Variants in SLC26A2 observed in about 807,000 individuals in gnomAD.
The protein encoded by SLC26A2 is solute carrier family 26 member 2.
SLC26A2 carries 36 observed loss-of-function variants against 41.1 expected under a neutral mutation model. The observed-to-expected ratio is 0.88, with a 90% CI of 0.67 to 1.16. The LOEUF (loss-of-function observed/expected upper bound fraction) is 1.16, where lower values mean the gene tolerates loss of function less well. Ranked by LOEUF, SLC26A2 falls within the 50% of genes most tolerant of loss-of-function variation. The probability of loss-of-function intolerance (pLI) is 0.00; values close to 1 mark genes in which losing one functional copy is unlikely to be tolerated. For synonymous variants in SLC26A2, 291 were observed against 311.6 expected (o/e 0.93, Z 0.70); for missense variants, 796 against 869.6 (o/e 0.92, Z 1.07).
chr5:149,979,991 G>GAAA (rs11450678), intron 2 of SLC26A2, among the ~76,000 whole-genome samples: 1 of 147,250 alleles, frequency 6.8e-6, no homozygotes, highest in Non-Finnish European at 1.5e-5. Flanking sequence ...TGGGAAGAAT[G>GAAA]AAAAAAAAAA....
chr5:149,966,093 T>C (rs559087918), intron 1 of SLC26A2, among the ~76,000 whole-genome samples: 2 of 152,212 alleles, frequency 1.3e-5, no homozygotes, highest in East Asian at 3.9e-4. Flanking sequence ...TTAGTAGAGA[T>C]AGAATTTCAC....
chr5:149,968,083 T>TG (rs1754837161), intron 1 of SLC26A2, among the ~76,000 whole-genome samples: 1 of 152,096 alleles, frequency 6.6e-6, no homozygotes, highest in East Asian at 1.9e-4. Flanking sequence ...ATGTTGTAGA[T>TG]GAAGAGTATC....
Position 149,981,473 on chromosome 5 carries a change from C to G in SLC26A2, c.1880C>G (p.Thr627Ser), listed in dbSNP as rs1224491689. The G allele has an allele frequency of 1.9e-6, 3 of 1,614,026 alleles. No individual in the cohort carries two copies. The highest frequency in any genetic ancestry group is 2.5e-6 in the Non-Finnish European group (3 of 1,179,996). The change falls in exon 3 of 3, where the codon ACT becomes AGT. Residue 627 changes from threonine (T) to serine (S), a missense_variant. Physicochemically the swap from Thr to Ser is moderately conservative, Grantham distance 58 (BLOSUM62 1). Coordinates refer to ENST00000286298, the MANE Select transcript of SLC26A2 (RefSeq NM_000112.4). ...AGAAAGATCAAAGAAAAAGTAGTGA[C>G]TCTTGGTGGAATCCAGGATGAAATG... ...AKRKIKEKVV[T>S]LGGIQDEMSV...
intron 1 of SLC26A2, among the ~76,000 whole-genome samples, chr5:149,969,575 C>A (rs1754865885): frequency 6.6e-6 from 1 of 152,224 alleles, no homozygotes; most frequent in Non-Finnish European, 1.5e-5. Flanking sequence ...CTGTGTATGT[C>A]CTTTAAGCAC....
Position 149,980,605 on chromosome 5 carries a change from G to C in SLC26A2, c.1012G>C (p.Val338Leu). Reference sequence around the variant, plus strand: ...TAAGGCACCGATTCCTATTGAACTTGTTGTTGTTGTAGCAGCCACATTAGC... The same window carrying C: ...TAAGGCACCGATTCCTATTGAACTTCTTGTTGTTGTAGCAGCCACATTAGC... ...KLKAPIPIEL[V>L]VVVAATLASH... The change falls in exon 3 of 3, where the codon GTT becomes CTT. Residue 338 changes from valine to leucine, a missense_variant. Val to Leu is a conservative substitution (Grantham distance 32). Transcript: ENST00000286298. 4 of 1,613,412 alleles carry C rather than the reference G, an allele frequency of 2.5e-6. No individual in the cohort carries two copies. Among genetic ancestry groups the C allele is most frequent in the Non-Finnish European group, 3.4e-6 (4 of 1,179,498 alleles).
At chr5:149,970,892 GGGTCTA>G (rs1247937890) in intron 1 of SLC26A2, among the ~76,000 whole-genome samples, 1 of 152,184 alleles carries the variant, frequency 6.6e-6, no homozygotes, top group Non-Finnish European at 1.5e-5. Context: ...CCTAAGTTTG[GGGTCTA>G]GGTTCTGATG....
intron 1 of SLC26A2, among the ~76,000 whole-genome samples, chr5:149,973,045 A>G (rs1017203683): frequency 1.3e-5 from 2 of 152,162 alleles, no homozygotes; most frequent in Non-Finnish European, 2.9e-5. Context: ...TTTGCTGGGC[A>G]TGGTGGCTCA....
intron 1 of SLC26A2, among the ~76,000 whole-genome samples, chr5:149,972,705 A>G (rs1754924716): frequency 6.6e-6 from 1 of 152,180 alleles, no homozygotes; most frequent in Non-Finnish European, 1.5e-5. Flanking sequence ...AGTAGACAGC[A>G]TATACTTGGG....
In SLC26A2 at chr5:149,981,368, A is replaced by G; in HGVS notation, c.1775A>G (p.Lys592Arg). ...RFVAPLYYIN[K>R]ECFKSALYKQ... ...GTAGCCCCTCTCTACTACATAAACA[A>G]AGAATGCTTTAAATCTGCTTTATAC... Residue 592 changes from lysine (K) to arginine (R), a missense_variant, in exon 3 of 3, where the codon AAA becomes AGA. Physicochemically the swap from Lys to Arg is conservative, Grantham distance 26 (BLOSUM62 2). Coordinates refer to ENST00000286298, the MANE Select transcript of SLC26A2 (RefSeq NM_000112.4). 2 of 1,614,146 alleles carry G rather than the reference A, an allele frequency of 1.2e-6. No individual in the cohort carries two copies. Among genetic ancestry groups the G allele is most frequent in the East Asian group, 2.2e-5 (1 of 44,890 alleles).
In SLC26A2 at chr5:149,977,540, C is replaced by T. The variant is rs529110629; in HGVS notation, c.-25-88C>T. The T allele has an allele frequency of 1.2e-5, 9 of 774,382 alleles. No individual in the cohort carries two copies. The African/African-American group carries it at 1.4e-4, about 12-fold the overall frequency. 48.0% of individuals were successfully genotyped at this position (774,382 alleles called of 1,614,324 possible). A position where few individuals can be genotyped will look rare whatever the true frequency, so the allele number is the denominator to read the frequency against. On this transcript the variant is annotated intron_variant, in intron 1 of 2. Coordinates refer to ENST00000286298, the MANE Select transcript of SLC26A2 (RefSeq NM_000112.4). ...TATTCCAAAACTGAATTCCTTTTAA[C>T]TCTCATGAAATGACAAATAGAATTG...
At position 149,981,712 on chromosome 5, in the gene SLC26A2, C is replaced by T. The variant is rs1317713075; in HGVS notation, c.2119C>T (p.Leu707Phe). Residue 707 changes from leucine to phenylalanine, a missense_variant, in exon 3 of 3, where the codon CTT becomes TTT. Leu to Phe is a conservative substitution (Grantham distance 22). Coordinates refer to ENST00000286298, the MANE Select transcript of SLC26A2 (RefSeq NM_000112.4). ...GEYCKKEEEN[L>F]LFYSVYEAMA... ...ATATTGCAAAAAGGAAGAAGAAAAC[C>T]TTCTCTTCTATAGTGTGTATGAAGC... The T allele has an allele frequency of 1.2e-6, 2 of 1,610,990 alleles. No individual in the cohort carries two copies.
At position 149,977,924 on chromosome 5, in the gene SLC26A2, G is replaced by A. The variant is rs749607301; in HGVS notation, c.272G>A (p.Gly91Asp). Reference protein sequence around the residue: ...SPAKAKNMILGFLPVLQWLPK... With the variant: ...SPAKAKNMILDFLPVLQWLPK... ...GCCAAAGCCAAAAATATGATTTTAG[G>A]TTTCCTTCCTGTTTTGCAGTGGCTC... Residue 91 changes from glycine to aspartate, a missense_variant, in exon 2 of 3, where the codon GGT (glycine) becomes GAT (aspartate). By Grantham distance (94) the Gly-to-Asp change is moderately conservative. Transcript: ENST00000286298. The A allele has an allele frequency of 1.9e-6, 3 of 1,614,188 alleles. No individual in the cohort carries two copies. Among genetic ancestry groups the A allele is most frequent in the Non-Finnish European group, 2.5e-6 (3 of 1,180,030 alleles).
Position 149,982,979 on chromosome 5 carries a change from C to T in SLC26A2, c.*1166C>T, listed in dbSNP as rs1189082130. 6.6e-6 allele frequency: 1 copy of T among 151,316 alleles called. No homozygotes were observed. Among genetic ancestry groups the T allele is most frequent in the Non-Finnish European group, 1.5e-5 (1 of 67,890 alleles). The allele number at this position is 151,316 out of a possible 1,614,324, so 9.4% of individuals were successfully genotyped here. A position where few individuals can be genotyped will look rare whatever the true frequency, so the allele number is the denominator to read the frequency against. On this transcript the variant is annotated 3_prime_UTR_variant, in exon 3 of 3. Transcript: ENST00000286298. ...GAAAGGTAAGAAAAAACCAGGTTCT[C>T]CAAAGTTAGGAATAGGGAACTAATT...
chr5:149,970,520 AAAAT>A (rs1464818535), intron 1 of SLC26A2, among the ~76,000 whole-genome samples: 1 of 152,168 alleles, frequency 6.6e-6, no homozygotes, highest in African/African-American at 2.4e-5. Context: ...CTAAAAAAGA[AAAAT>A]AAAAGCTGAG....
chr5:149,984,382 A>G lies in SLC26A2; in HGVS notation c.*2569A>G, dbSNP rs1755157966. ...GCCGATAAAAAAACTGTTTTCGGCC[A>G]GGTGCAGTGGCTCATGCCTGTAATC... On this transcript the variant is annotated 3_prime_UTR_variant, in exon 3 of 3. Coordinates refer to ENST00000286298, the MANE Select transcript of SLC26A2 (RefSeq NM_000112.4). 1 of 152,268 alleles carries G rather than the reference A, an allele frequency of 6.6e-6. No individual in the cohort carries two copies. The highest frequency in any genetic ancestry group is 2.4e-5 in the African/African-American group (1 of 41,470). 9.4% of individuals were successfully genotyped at this position (152,268 alleles called of 1,614,324 possible).
Position 149,980,441 on chromosome 5 carries a change from TG to T in SLC26A2, c.851del (p.Gly284AlafsTer58), listed in dbSNP as rs761118761. 1 of 1,614,112 alleles carries T rather than the reference TG, an allele frequency of 6.2e-7. No homozygotes were observed. Among genetic ancestry groups the T allele is most frequent in the Admixed American group, 1.7e-5 (1 of 60,006 alleles). Reference sequence around the variant, plus strand: ...CTCAACCTTCCTCGGACTAATGGTGTGGGCTCACTCATCACTACCTGGATAC... The same window carrying T: ...CTCAACCTTCCTCGGACTAATGGTGTGGCTCACTCATCACTACCTGGATAC... ...LGLNLPRTNGVGSLITTWIHV... is the reference protein window; with the variant it reads ...LGLNLPRTNGXGSLITTWIHV... On this transcript the variant is annotated frameshift_variant, in exon 3 of 3. Transcript: ENST00000286298. LOFTEE classifies it high-confidence loss of function.
At chr5:149,975,300 T>G (rs1175753207) in intron 1 of SLC26A2, among the ~76,000 whole-genome samples, 1 of 152,236 alleles carries the variant, frequency 6.6e-6, no homozygotes, top group Non-Finnish European at 1.5e-5. Flanking sequence ...GTTTTTCACT[T>G]TTAGCATTCC....
At chr5:149,966,645 A>G (rs778455070) in intron 1 of SLC26A2, among the ~76,000 whole-genome samples, 3 of 151,852 alleles carry the variant, frequency 2.0e-5, no homozygotes, top group Non-Finnish European at 4.4e-5. Context: ...CTAGTTGAGC[A>G]TCTCTAATCT....
chr5:149,978,693 C>CT (rs777260569), intron 2 of SLC26A2, among the ~76,000 whole-genome samples: 244 of 142,834 alleles, frequency 1.7e-3, no homozygotes, highest in Non-Finnish European at 1.8e-3. Flanking sequence ...GAGTTTCTCA[C>CT]TTTTTTTTTT....
Sources: allele counts gnomAD v4.1 joint callset (sites outside exome capture counted in the v4.1 genomes callset), GRCh38; gene constraint gnomAD v4.1.1; transcripts MANE v1.5; gene names NCBI Gene and HGNC (gene_info 2026-07-23, HGNC 2026-07-21).